MYO1E: variants seen among roughly 807,000 people sequenced by gnomAD.
MYO1E encodes the protein unconventional myosin-Ie.
Under a neutral mutation model 151.1 loss-of-function variants are expected in MYO1E, and 68 were observed. The ratio of observed to expected loss-of-function variants is 0.45; its 90% CI spans 0.37 to 0.55. The LOEUF is 0.55. Among genes scored for constraint, MYO1E ranks in the 20% least tolerant of loss-of-function variants. The pLI, the probability that MYO1E is intolerant of heterozygous loss-of-function variation, is 0.00. For synonymous variants in MYO1E, 601 were observed against 501.7 expected, an observed-to-expected ratio of 1.20 and a Z score of -2.64; for missense variants, 1,363 against 1,389.3, an observed-to-expected ratio of 0.98 and a Z score of 0.30.
chr15:59,356,993 C>G (rs1240184809), intron 1 of MYO1E, among the ~76,000 whole-genome samples: 5 of 152,006 alleles, frequency 3.3e-5, no homozygotes, highest in Non-Finnish European at 1.5e-5. Flanking sequence ...GCAACCTCCA[C>G]CTCCCGGGTT....
chr15:59,359,322 A>AT (rs1418693039), intron 1 of MYO1E, among the ~76,000 whole-genome samples: 1 of 139,294 alleles, frequency 7.2e-6, no homozygotes, highest in Non-Finnish European at 1.5e-5. Flanking sequence ...TAATATATAT[A>AT]TATATTTTTT....
chr15:59,309,933 A>G (rs1467623349), intron 1 of MYO1E, among the ~76,000 whole-genome samples: 1 of 152,084 alleles, frequency 6.6e-6, no homozygotes, highest in Non-Finnish European at 1.5e-5. Context: ...TCCTCCCACT[A>G]CATCAGATCT....
intron 22 of MYO1E, among the ~76,000 whole-genome samples, chr15:59,166,692 A>G (rs1426167993): frequency 1.3e-5 from 2 of 152,174 alleles, no homozygotes; most frequent in Non-Finnish European, 2.9e-5. Context: ...CAAGAAGAAA[A>G]TAAACCTTGC....
At chr15:59,360,781 C>T (rs2080880681) in intron 1 of MYO1E, among the ~76,000 whole-genome samples, 1 of 152,134 alleles carries the variant, frequency 6.6e-6, no homozygotes, top group Non-Finnish European at 1.5e-5. Context: ...TTCTGTCAAA[C>T]AAAGGGGTTC....
intron 9 of MYO1E, among the ~76,000 whole-genome samples, chr15:59,222,350 C>T (rs1401980766): frequency 1.3e-5 from 2 of 152,132 alleles, no homozygotes; most frequent in African/African-American, 4.8e-5. Context: ...GCTGTTGATG[C>T]CTAAGAGGCT....
At chr15:59,252,800 C>T (rs1404207807) in intron 4 of MYO1E, among the ~76,000 whole-genome samples, 1 of 148,074 alleles carries the variant, frequency 6.8e-6, no homozygotes, top group Non-Finnish European at 1.5e-5. Context: ...GCAGGAGAAT[C>T]GCTTGAACCC....
rs546950192 is a variant in MYO1E at position 59,303,905 on chromosome 15, T to G, written c.4-31456A>C. On this transcript the variant is annotated intron_variant, in intron 1 of 27. Coordinates refer to ENST00000288235, the MANE Select transcript of MYO1E (RefSeq NM_004998.4). ...TCCTGGATATATGGCCTTTCACAGT[T>G]AAGAGTTTCCATACACATTAAAGTG... Among the ~76,000 whole-genome samples the G allele has an allele frequency of 1.0e-3, 156 of 152,208 alleles. 1 individual carries two copies. Among genetic ancestry groups the G allele is most frequent in the African/African-American group, 3.6e-3 (149 of 41,542 alleles).
chr15:59,283,077 C>G lies in MYO1E; in HGVS notation c.4-10628G>C, dbSNP rs544222512. Among the ~76,000 whole-genome samples, 231 of 150,018 alleles carry G rather than the reference C, an allele frequency of 1.5e-3. 1 individual carries two copies. The highest frequency in any genetic ancestry group is 5.5e-3 in the African/African-American group (226 of 40,910). ...GGGCACAAAAAGGGCTCTGGTTGCC[C>G]TCATCCCAGGGAGACGGGCGGTCAG... On this transcript the variant is annotated intron_variant, in intron 1 of 27. Coordinates refer to ENST00000288235, the MANE Select transcript of MYO1E (RefSeq NM_004998.4).
chr15:59,233,743 A>G (rs887793143), intron 5 of MYO1E, among the ~76,000 whole-genome samples: 3 of 151,270 alleles, frequency 2.0e-5, no homozygotes, highest in Admixed American at 6.6e-5. Context: ...AGGATCCAGT[A>G]CAATCACAGG....
rs775751894 is a variant in MYO1E, at chr15:59,172,055, G to A, written c.2335-13C>T. The A allele has an allele frequency of 6.9e-5, 112 of 1,613,224 alleles. No homozygotes were observed. In the Admixed American group the frequency reaches 1.3e-3, roughly 19 times the overall value. On this transcript the variant is annotated splice_polypyrimidine_tract_variant and intron_variant, in intron 21 of 27. Coordinates refer to ENST00000288235, the MANE Select transcript of MYO1E (RefSeq NM_004998.4). Reference sequence around the variant, plus strand: ...CTCGCTTTACACCCTGTAAGGAGAGGAGCTTTAAGAAGCTGGACAGGCCAG... The same window carrying A: ...CTCGCTTTACACCCTGTAAGGAGAGAAGCTTTAAGAAGCTGGACAGGCCAG...
intron 1 of MYO1E, among the ~76,000 whole-genome samples, chr15:59,282,226 G>A (rs1477388201): frequency 1.3e-5 from 2 of 152,148 alleles, no homozygotes; most frequent in East Asian, 1.9e-4. Flanking sequence ...GCAGGCGAGA[G>A]TCTAGGTTGT....
At chr15:59,255,091 G>A (rs1277416818) in intron 4 of MYO1E, among the ~76,000 whole-genome samples, 3 of 151,758 alleles carry the variant, frequency 2.0e-5, no homozygotes, top group African/African-American at 4.8e-5. Flanking sequence ...CTCCACTAAG[G>A]TATAAGCCTT....
chr15:59,361,831 T>A lies in MYO1E; in HGVS notation c.3+10667A>T, dbSNP rs79388643. ...AGTCTGTGGATTTTTTTAATTAATTTATTAATTAATTTATTTATTTTTTGA... is the reference window on the plus strand; with the variant it reads ...AGTCTGTGGATTTTTTTAATTAATTAATTAATTAATTTATTTATTTTTTGA... On this transcript the variant is annotated intron_variant, in intron 1 of 27. Transcript: ENST00000288235. Among the ~76,000 whole-genome samples the A allele has an allele frequency of 4.6e-3, 697 of 152,142 alleles. 4 individuals carry two copies. Among genetic ancestry groups the A allele is most frequent in the South Asian group, 8.1e-3 (39 of 4,824 alleles).
At chr15:59,229,844 C>G (rs1170917928) in intron 6 of MYO1E, among the ~76,000 whole-genome samples, 1 of 151,720 alleles carries the variant, frequency 6.6e-6, no homozygotes, top group Non-Finnish European at 1.5e-5. Flanking sequence ...TTACATACCT[C>G]TTAGTTACCT....
intron 6 of MYO1E, among the ~76,000 whole-genome samples, chr15:59,227,961 C>G (rs1216946312): frequency 6.6e-6 from 1 of 152,202 alleles, no homozygotes; most frequent in Non-Finnish European, 1.5e-5. Context: ...GGCTTCATCT[C>G]ATGGCTTTGA....
At chr15:59,226,597 G>A (rs1035776604) in intron 7 of MYO1E, among the ~76,000 whole-genome samples, 3 of 152,086 alleles carry the variant, frequency 2.0e-5, no homozygotes, top group Non-Finnish European at 4.4e-5. Flanking sequence ...ACTTGAGTCC[G>A]AGAGTTAGAG....
intron 1 of MYO1E, among the ~76,000 whole-genome samples, chr15:59,342,029 G>A (rs2080768613): frequency 6.6e-6 from 1 of 151,964 alleles, no homozygotes; most frequent in African/African-American, 2.4e-5. Flanking sequence ...TCACATCCTT[G>A]CCAGCATTCA....
In MYO1E at chr15:59,372,763, G is replaced by GCTC; in HGVS notation, c.-264_-263insGAG. ...GGGCAAGAGTCCACTCGTACTCGCC[G>GCTC]GTCGCCGCCGGCCCAGGTGAGTCCG... On this transcript the variant is annotated 5_prime_UTR_variant, in exon 1 of 28. Coordinates refer to ENST00000288235, the MANE Select transcript of MYO1E (RefSeq NM_004998.4). 1.8e-6 allele frequency: 1 copy of GCTC among 542,792 alleles called. No homozygotes were observed. The highest frequency in any genetic ancestry group is 3.3e-5 in the East Asian group (1 of 30,700). The allele number at this position is 542,792 out of a possible 1,614,324, so 33.6% of individuals were successfully genotyped here. A position where few individuals can be genotyped will look rare whatever the true frequency, so the allele number is the denominator to read the frequency against.
chr15:59,237,969 G>C lies in MYO1E; in HGVS notation c.333-1297C>G, dbSNP rs116658364. 6.9e-3 allele frequency among the ~76,000 whole-genome samples: 1,052 copies of C among 152,218 alleles called. 17 individuals carry two copies. Among genetic ancestry groups the C allele is most frequent in the African/African-American group, 0.024 (994 of 41,528 alleles). On this transcript the variant is annotated intron_variant, in intron 4 of 27. Coordinates refer to ENST00000288235, the MANE Select transcript of MYO1E (RefSeq NM_004998.4). Reference sequence around the variant, plus strand: ...AGGCGGGAACCATCCTCTGTTCAGAGCTCATGACCTGCAAAAGTCTGAACC... The same window carrying C: ...AGGCGGGAACCATCCTCTGTTCAGACCTCATGACCTGCAAAAGTCTGAACC...
Sources: gnomAD v4.1 joint callset for allele counts (sites outside exome capture counted in the v4.1 genomes callset) on GRCh38, gnomAD v4.1.1 for gene constraint, MANE v1.5 for transcripts, NCBI Gene and HGNC (gene_info 2026-07-23, HGNC 2026-07-21) for gene names.